Variants in FAM47E observed in about 807,000 individuals in gnomAD.
The protein encoded by FAM47E is family with sequence similarity 47 member E.
In FAM47E, 32 loss-of-function variants were observed where a neutral mutation model predicts 41.6. The ratio of observed to expected loss-of-function variants is 0.77; its 90% CI spans 0.58 to 1.03. The LOEUF (loss-of-function observed/expected upper bound fraction) is 1.03. FAM47E is among the 50% of genes least tolerant of loss of function. The probability of loss-of-function intolerance (pLI) is 0.00; values close to 1 mark genes in which losing one functional copy is unlikely to be tolerated. For missense variants in FAM47E, 424 were observed against 485.4 expected (o/e 0.87, Z 1.19); for synonymous variants, 184 against 188.7 (o/e 0.98, Z 0.20).
In FAM47E at chr4:76,246,655, C is replaced by T. The variant is rs539138775; in HGVS notation, c.82-17049C>T. On this transcript the variant is annotated intron_variant, in intron 2 of 7. Transcript: ENST00000510197. Reference sequence around the variant, plus strand: ...ACTAGATCAAGATGTAGAAGATTTGCATCTTCCTAGCAGACTCCCTCATGC... The same window carrying T: ...ACTAGATCAAGATGTAGAAGATTTGTATCTTCCTAGCAGACTCCCTCATGC... Among the ~76,000 whole-genome samples, 6 of 152,156 alleles carry T rather than the reference C, an allele frequency of 3.9e-5. No homozygotes were observed. In the East Asian group the frequency reaches 1.2e-3, roughly 29 times the overall value.
Position 76,244,533 on chromosome 4 carries a change from CTTTTTTTT to C in FAM47E, c.82-19153_82-19146del, listed in dbSNP as rs71212407. ...CATATGTTTGTTTGCAGGCATTCTT[CTTTTTTTT>C]TTTTTTTTTTTTTTTTTGAGATGGA... On this transcript the variant is annotated intron_variant, in intron 2 of 7. Transcript: ENST00000510197. Among the ~76,000 whole-genome samples, 244 of 66,092 alleles carry C rather than the reference CTTTTTTTT, an allele frequency of 3.7e-3. 1 individual carries two copies. The highest frequency in any genetic ancestry group is 5.7e-3 in the Admixed American group (25 of 4,386). The allele number at this position is 66,092 out of a possible 152,430, so 43.4% of individuals were successfully genotyped here.
chr4:76,276,059 C>A (rs1284868858), intron 5 of FAM47E, among the ~76,000 whole-genome samples: 1 of 151,328 alleles, frequency 6.6e-6, no homozygotes, highest in Non-Finnish European at 1.5e-5. Context: ...CACACACACA[C>A]ACACACACAC....
At chr4:76,273,596 G>A (rs565909289) in intron 5 of FAM47E, among the ~76,000 whole-genome samples, 21 of 152,168 alleles carry the variant, frequency 1.4e-4, no homozygotes, top group African/African-American at 5.1e-4. Flanking sequence ...ATAAACCTTG[G>A]TGTATCTTTC....
At chr4:76,245,048 A>T (rs1733795330) in intron 2 of FAM47E, among the ~76,000 whole-genome samples, 1 of 152,150 alleles carries the variant, frequency 6.6e-6, no homozygotes, top group Admixed American at 6.5e-5. Context: ...CATCCATTTT[A>T]TCCACTCATT....
intron 2 of FAM47E, among the ~76,000 whole-genome samples, chr4:76,261,811 C>T (rs1004133213): frequency 2.0e-5 from 3 of 151,544 alleles, no homozygotes; most frequent in Admixed American, 1.3e-4. Context: ...CATGTACCCC[C>T]GAATCTACAA....
Position 76,271,168 on chromosome 4 carries a change from C to T in FAM47E, c.670-400C>T, listed in dbSNP as rs1057397558. ...TGAAGGTTGTTCTGTGTACAGAATG[C>T]GGCTGACTAAAACCGCCTCCTTCAG... is the stretch of plus-strand genomic sequence containing the variant. On this transcript the variant is annotated intron_variant, in intron 4 of 7. Coordinates refer to ENST00000424749, the MANE Select transcript of FAM47E (RefSeq NM_001136570.3). Among the ~76,000 whole-genome samples, 153 of 152,210 alleles carry T rather than the reference C, an allele frequency of 1.0e-3. 1 individual carries two copies. The highest frequency in any genetic ancestry group is 3.1e-4 in the African/African-American group (13 of 41,452).
At chr4:76,267,170 A>G (rs987782932) in intron 3 of FAM47E, among the ~76,000 whole-genome samples, 2 of 152,214 alleles carry the variant, frequency 1.3e-5, no homozygotes, top group African/African-American at 4.8e-5. Context: ...CCTGGCACAT[A>G]GTCTGTGCTT....
intron 5 of FAM47E, 33 bp from the exon 6 acceptor site, chr4:76,278,036 C>A: frequency 7.0e-7 from 1 of 1,426,440 alleles, no homozygotes; most frequent in South Asian, 1.6e-5. Context: ...AACAAAAAAT[C>A]AATGGCACTG....
chr4:76,268,587 C>A, intron 3 of FAM47E, 73 bp from the exon 4 acceptor site: 1 of 1,461,546 alleles, frequency 6.8e-7, no homozygotes, highest in Non-Finnish European at 9.2e-7. Context: ...TTCCTTTTGC[C>A]TCTAAAACTG....
rs1320728813 is a variant in FAM47E, at chr4:76,223,024, A to G, written c.81+5336A>G. ...CTTGACAGGTGGATGCATCAGACTA[A>G]TGATAATTGCACACCCCTTCAAAGC... is the stretch of plus-strand genomic sequence containing the variant. On this transcript the variant is annotated intron_variant, in intron 2 of 7. Transcript: ENST00000510197. 2.0e-5 allele frequency among the ~76,000 whole-genome samples: 3 copies of G among 152,262 alleles called. No individual in the cohort carries two copies. In the South Asian group the frequency reaches 6.2e-4, roughly 32 times the overall value.
At chr4:76,271,377 G>C (rs761672478) in intron 4 of FAM47E, among the ~76,000 whole-genome samples, 191 bp from the exon 5 acceptor site, 6 of 152,168 alleles carry the variant, frequency 3.9e-5, no homozygotes, top group Non-Finnish European at 5.9e-5. Flanking sequence ...TTCTTGCAAA[G>C]TCCTAAGCTG....
intron 4 of FAM47E, 126 bp from the exon 5 acceptor site, chr4:76,271,442 C>G: frequency 8.9e-7 from 1 of 1,117,778 alleles, no homozygotes; most frequent in East Asian, 2.6e-5. Context: ...TCAATGAATG[C>G]TGACTGAGCA....
At chr4:76,239,966 A>G (rs542753182) in intron 2 of FAM47E, among the ~76,000 whole-genome samples, 48 of 152,230 alleles carry the variant, frequency 3.2e-4, no homozygotes, top group African/African-American at 1.2e-3. Flanking sequence ...TCCCAGCACC[A>G]TTTGTCAAAA....
chr4:76,264,901 T>G (rs1178896760), intron 3 of FAM47E, among the ~76,000 whole-genome samples: 1 of 152,152 alleles, frequency 6.6e-6, no homozygotes, highest in Non-Finnish European at 1.5e-5. Flanking sequence ...GGGCCTACAT[T>G]TGACTTTTGA....
intron 2 of FAM47E, among the ~76,000 whole-genome samples, chr4:76,222,100 G>A (rs1166842487): frequency 6.6e-6 from 1 of 152,214 alleles, no homozygotes; most frequent in African/African-American, 2.4e-5. Context: ...GGGAGGCTGG[G>A]CAGGCCCAAT....
At chr4:76,266,679 G>A (rs947615678) in intron 3 of FAM47E, among the ~76,000 whole-genome samples, 1 of 152,150 alleles carries the variant, frequency 6.6e-6, no homozygotes, top group African/African-American at 2.4e-5. Context: ...TGTCATTCCA[G>A]TGCTTGAGAT....
At chr4:76,252,722 C>G (rs902458189) in intron 1 of FAM47E, among the ~76,000 whole-genome samples, 3 of 152,120 alleles carry the variant, frequency 2.0e-5, no homozygotes, top group South Asian at 2.1e-4. Flanking sequence ...CTTCTCCCCC[C>G]CATTTAAAAA....
chr4:76,273,511 T>G (rs4859655), intron 5 of FAM47E, among the ~76,000 whole-genome samples: 54,146 of 151,816 alleles, frequency 0.36, 10,177 homozygotes, highest in Admixed American at 0.42. Flanking sequence ...CATCTTCTTT[T>G]TGGGGGGATG....
intron 2 of FAM47E, among the ~76,000 whole-genome samples, chr4:76,230,898 C>T (rs1475300413): frequency 2.0e-5 from 3 of 152,156 alleles, no homozygotes; most frequent in African/African-American, 4.8e-5. Context: ...GAAGCTTGGG[C>T]ATGGCTTAAT....
Sources: gnomAD v4.1 joint callset for allele counts (sites outside exome capture counted in the v4.1 genomes callset) on GRCh38, gnomAD v4.1.1 for gene constraint, MANE v1.5 for transcripts, NCBI Gene and HGNC (gene_info 2026-07-23, HGNC 2026-07-21) for gene names.